Variants in ART3 observed in about 807,000 individuals in gnomAD.
ART3 encodes the protein ADP-ribosyltransferase 3 (inactive), also known as ecto-ADP-ribosyltransferase 3.
ART3 carries 49 observed loss-of-function variants against 48.5 expected under a neutral mutation model. The ratio of observed to expected loss-of-function variants is 1.01; its 90% confidence interval spans 0.80 to 1.28. ART3 has a LOEUF of 1.28. Among genes scored for constraint, ART3 ranks in the 50% most tolerant of loss-of-function variants. The pLI, the probability that ART3 is intolerant of heterozygous loss-of-function variation, is 0.00. For missense variants in ART3, 438 were observed against 454.3 expected, an observed-to-expected ratio of 0.96 and a Z score of 0.33; for synonymous variants, 145 against 157.2, an observed-to-expected ratio of 0.92 and a Z score of 0.58.
At position 76,100,833 on chromosome 4, in the gene ART3, T is replaced by C. The variant is rs1167287682; in HGVS notation, c.907+9T>C. 8.1e-6 allele frequency: 13 copies of C among 1,606,928 alleles called. No homozygotes were observed. Among genetic ancestry groups the C allele is most frequent in the Non-Finnish European group, 1.1e-5 (13 of 1,177,984 alleles). On this transcript the variant is annotated intron_variant, in intron 7 of 11. Coordinates refer to ENST00000355810, the MANE Select transcript of ART3 (RefSeq NM_001130016.3). ...GAAGCTTGAAGACCATGGTAAGACA[T>C]TTTTTATAAATTCTGGGGGCTTACA...
intron 1 of ART3, chr4:76,034,455 A>T: frequency 4.0e-6 from 2 of 499,648 alleles, no homozygotes; most frequent in Non-Finnish European, 6.9e-6. Context: ...AAATGCATGA[A>T]TGTATAATGC....
intron 3 of ART3, among the ~76,000 whole-genome samples, chr4:76,089,597 A>G (rs1724383410): frequency 6.6e-6 from 1 of 152,210 alleles, no homozygotes; most frequent in Non-Finnish European, 1.5e-5. Flanking sequence ...TGAGCCAATC[A>G]AAACTCCTTT....
chr4:76,072,539 G>A (rs1039016893), upstream of ART3, among the ~76,000 whole-genome samples: 1 of 151,824 alleles, frequency 6.6e-6, no homozygotes, highest in Non-Finnish European at 1.5e-5. Context: ...ATCTCTGCTT[G>A]CATTATTATA....
intron 1 of ART3, among the ~76,000 whole-genome samples, chr4:76,025,284 C>T (rs1025916592): frequency 6.6e-6 from 1 of 152,086 alleles, no homozygotes; most frequent in Non-Finnish European, 1.5e-5. Context: ...AAATGTCTGA[C>T]ATCATGAATG....
rs1024306601 is a variant in ART3, at chr4:76,049,707, C to T, written c.-9-26174C>T. Among the ~76,000 whole-genome samples the T allele has an allele frequency of 4.6e-5, 7 of 151,826 alleles. 1 individual carries two copies. Among genetic ancestry groups the T allele is most frequent in the African/African-American group, 7.3e-5 (3 of 41,368 alleles). The stretch of plus-strand genomic sequence containing the variant: ...GGGTCTGATGGTACTCACTGCTTGG[C>T]GATAGGCGATTGTCTCACCGCTCGG... On this transcript the variant is annotated intron_variant, in intron 1 of 9. Transcript: ENST00000341029.
At chr4:76,074,597 A>G (rs1319430470), upstream of ART3, 1 of 152,244 alleles carries the variant, frequency 6.6e-6, no homozygotes, top group African/African-American at 2.4e-5. Flanking sequence ...AGTGATTCCA[A>G]GGCATAGTGT....
intron 3 of ART3, 67 bp downstream of exon 3, chr4:76,082,602 G>A: frequency 3.8e-6 from 5 of 1,329,788 alleles, no homozygotes; most frequent in Non-Finnish European, 5.1e-6. Context: ...TTAGGGAAAG[G>A]TCAGTGAAAG....
intron 1 of ART3, among the ~76,000 whole-genome samples, chr4:76,017,484 C>T (rs1732375110): frequency 6.6e-6 from 1 of 151,868 alleles, no homozygotes; most frequent in East Asian, 1.9e-4. Flanking sequence ...CTTCCCTCTC[C>T]TCAAGCAGAA....
chr4:76,079,994 A>C (rs188682663), intron 2 of ART3, among the ~76,000 whole-genome samples: 1 of 150,030 alleles, frequency 6.7e-6, no homozygotes, highest in Non-Finnish European at 1.5e-5. Context: ...TTTTTTTTTG[A>C]ATCTGTAACT....
At chr4:76,040,281 C>T (rs779568265) in intron 1 of ART3, among the ~76,000 whole-genome samples, 11 of 152,070 alleles carry the variant, frequency 7.2e-5, no homozygotes, top group South Asian at 6.2e-4. Flanking sequence ...GCCAAGATCG[C>T]GTCACTGCAC....
intron 2 of ART3, among the ~76,000 whole-genome samples, chr4:76,079,047 C>T (rs1721822602): frequency 6.6e-6 from 1 of 152,166 alleles, no homozygotes; most frequent in Admixed American, 6.5e-5. Flanking sequence ...TGCCACTGCA[C>T]TCCAGCCTGG....
upstream of ART3, among the ~76,000 whole-genome samples, chr4:76,072,970 C>T (rs1395653070): frequency 6.6e-6 from 1 of 152,186 alleles, no homozygotes; most frequent in Non-Finnish European, 1.5e-5. Context: ...ATTGCAAACA[C>T]TCCATGCGCT....
At chr4:76,043,476 G>A (rs1735183126) in intron 1 of ART3, among the ~76,000 whole-genome samples, 1 of 152,124 alleles carries the variant, frequency 6.6e-6, no homozygotes, top group African/African-American at 2.4e-5. Flanking sequence ...GAAATCGAGT[G>A]CAGTGCCAGC....
At chr4:76,090,464 T>A (rs1454595083) in intron 3 of ART3, among the ~76,000 whole-genome samples, 5 of 152,262 alleles carry the variant, frequency 3.3e-5, no homozygotes, top group African/African-American at 4.8e-5. Context: ...CCAGAGATTC[T>A]AATCAGCTGT....
intron 1 of ART3, among the ~76,000 whole-genome samples, chr4:76,050,197 G>A (rs927667107): frequency 1.3e-5 from 2 of 152,122 alleles, no homozygotes; most frequent in African/African-American, 4.8e-5. Flanking sequence ...GGGGACCTGA[G>A]CGGGTTGCCA....
chr4:76,081,139 T>C (rs73825882), intron 2 of ART3, among the ~76,000 whole-genome samples: 1,849 of 152,318 alleles, frequency 0.012, 42 homozygotes, highest in African/African-American at 0.042. Context: ...TCCTCATCTC[T>C]ACCTCTCAGC....
At chr4:76,089,038 A>G (rs1724240051) in intron 3 of ART3, among the ~76,000 whole-genome samples, 1 of 152,224 alleles carries the variant, frequency 6.6e-6, no homozygotes, top group African/African-American at 2.4e-5. Flanking sequence ...ATAAATATTT[A>G]TATCTTAACA....
intron 1 of ART3, among the ~76,000 whole-genome samples, chr4:76,063,725 G>T (rs1224868806): frequency 6.6e-6 from 1 of 152,054 alleles, no homozygotes. Flanking sequence ...GTAATATAAA[G>T]CCTGCACTTG....
intron 3 of ART3, among the ~76,000 whole-genome samples, chr4:76,096,378 A>G (rs1459382110): frequency 6.6e-6 from 1 of 152,266 alleles, no homozygotes; most frequent in East Asian, 1.9e-4. Context: ...TTTGGTTCAG[A>G]CACTCACTAC....
Sources: gnomAD v4.1 joint callset for allele counts (sites outside exome capture counted in the v4.1 genomes callset) on GRCh38, gnomAD v4.1.1 for gene constraint, MANE v1.5 for transcripts, NCBI Gene and HGNC (gene_info 2026-07-23, HGNC 2026-07-21) for gene names.